Variants in NGEF observed in about 807,000 individuals in gnomAD.
The protein encoded by NGEF is ephexin-1.
Under a neutral mutation model 80.9 loss-of-function variants are expected in NGEF, and 31 were observed. The observed-to-expected ratio is 0.38, with a 90% confidence interval of 0.29 to 0.52. The LOEUF is 0.52. NGEF is among the 20% of genes least tolerant of loss of function. The probability of loss-of-function intolerance (pLI) is 0.84; values close to 1 mark genes in which losing one functional copy is unlikely to be tolerated. For missense variants in NGEF, 709 were observed against 926.2 expected, an observed-to-expected ratio of 0.77 and a Z score of 3.04; for synonymous variants, 371 against 370.2, an observed-to-expected ratio of 1.00 and a Z score of -0.03.
chr2:232,972,115 T>C (rs900612822), intron 2 of NGEF, among the ~76,000 whole-genome samples: 2 of 152,218 alleles, frequency 1.3e-5, no homozygotes, highest in African/African-American at 4.8e-5. Context: ...TTGGGAAACT[T>C]TTAAGGGTAT....
intron 1 of NGEF, among the ~76,000 whole-genome samples, chr2:232,984,863 C>T (rs915634573): frequency 6.6e-6 from 1 of 152,058 alleles, no homozygotes; most frequent in African/African-American, 2.4e-5. Context: ...GGGCTCGGAG[C>T]GTAAGATTGA....
At chr2:232,886,730 G>A (rs1247082490) in intron 9 of NGEF, among the ~76,000 whole-genome samples, 5 of 152,212 alleles carry the variant, frequency 3.3e-5, no homozygotes, top group Non-Finnish European at 7.3e-5. Context: ...GCCCAGGGCT[G>A]ACCTCAGGGA....
chr2:232,940,272 A>G (rs1300408784), intron 3 of NGEF, among the ~76,000 whole-genome samples: 3 of 152,270 alleles, frequency 2.0e-5, no homozygotes, highest in African/African-American at 7.2e-5. Context: ...CCATAAAGAA[A>G]AACACTATTT....
intron 1 of NGEF, among the ~76,000 whole-genome samples, chr2:232,980,936 G>A (rs1478011559): frequency 6.6e-6 from 1 of 152,028 alleles, no homozygotes; most frequent in Non-Finnish European, 1.5e-5. Context: ...GCCAGGTCTA[G>A]GGCACATGGA....
intron 5 of NGEF, among the ~76,000 whole-genome samples, chr2:232,913,129 A>G (rs1407866698): frequency 1.3e-5 from 2 of 152,256 alleles, no homozygotes; most frequent in Non-Finnish European, 2.9e-5. Flanking sequence ...TTAAATAAAC[A>G]TAATGCTATA....
intron 5 of NGEF, among the ~76,000 whole-genome samples, chr2:232,900,930 G>T (rs1483442073): frequency 6.6e-6 from 1 of 152,240 alleles, no homozygotes; most frequent in Non-Finnish European, 1.5e-5. Context: ...CTGCTCTGGG[G>T]TGGTGACGTC....
intron 3 of NGEF, among the ~76,000 whole-genome samples, chr2:232,966,813 A>C (rs981632212): frequency 6.6e-6 from 1 of 151,860 alleles, no homozygotes; most frequent in Non-Finnish European, 1.5e-5. Flanking sequence ...CCGGGTTGTC[A>C]GTTACTTTTA....
At chr2:232,925,401 G>C (rs1177089975) in intron 4 of NGEF, among the ~76,000 whole-genome samples, 1 of 152,196 alleles carries the variant, frequency 6.6e-6, no homozygotes, top group Non-Finnish European at 1.5e-5. Context: ...CAGGAGCCAG[G>C]AAAAGACATT....
intron 1 of NGEF, among the ~76,000 whole-genome samples, chr2:232,998,562 G>A (rs918285061): frequency 6.6e-6 from 1 of 152,148 alleles, no homozygotes; most frequent in African/African-American, 2.4e-5. Flanking sequence ...CATGCCATAG[G>A]GGGGCTACAG....
intron 1 of NGEF, among the ~76,000 whole-genome samples, chr2:232,984,576 C>T (rs894555002): frequency 1.2e-4 from 18 of 152,206 alleles, no homozygotes; most frequent in South Asian, 2.1e-4. Context: ...CTAGACATTC[C>T]GGCCAGCAAA....
At chr2:232,931,932 C>G (rs1198869336) in intron 3 of NGEF, among the ~76,000 whole-genome samples, 3 of 152,182 alleles carry the variant, frequency 2.0e-5, no homozygotes, top group Non-Finnish European at 1.5e-5. Context: ...TTCCACAAAG[C>G]ACAATTCAGC....
chr2:232,981,968 A>AG (rs1313251966), intron 1 of NGEF, among the ~76,000 whole-genome samples: 5 of 152,100 alleles, frequency 3.3e-5, no homozygotes, highest in Non-Finnish European at 7.4e-5. Flanking sequence ...GGGCCACCAG[A>AG]GGGAAAAAAG....
chr2:232,975,588 T>C (rs1280164537), intron 1 of NGEF, among the ~76,000 whole-genome samples: 1 of 152,096 alleles, frequency 6.6e-6, no homozygotes, highest in African/African-American at 2.4e-5. Flanking sequence ...GGTGACCATA[T>C]AGCATATCAT....
At chr2:232,937,381 C>T (rs1399859653) in intron 3 of NGEF, among the ~76,000 whole-genome samples, 1 of 152,220 alleles carries the variant, frequency 6.6e-6, no homozygotes. Flanking sequence ...TAATTTTCCT[C>T]ACACATGTCT....
Position 232,879,691 on chromosome 2 carries a change from G to A in NGEF, c.1943-12C>T, listed in dbSNP as rs1011977208. ...GCCAAAGATCCACCCTGTGCAGGGAGGGGAGGGAGAGAAGGTCAGTGCTCC... is the reference window on the plus strand; with the variant it reads ...GCCAAAGATCCACCCTGTGCAGGGAAGGGAGGGAGAGAAGGTCAGTGCTCC... On this transcript the variant is annotated splice_polypyrimidine_tract_variant and intron_variant, in intron 14 of 14. Transcript: ENST00000264051. 6.9e-6 allele frequency: 11 copies of A among 1,603,300 alleles called. No homozygotes were observed. The highest frequency in any genetic ancestry group is 3.3e-5 in the Admixed American group (2 of 59,856).
intron 5 of NGEF, among the ~76,000 whole-genome samples, chr2:232,908,518 A>AT (rs900408506): frequency 7.9e-4 from 119 of 151,452 alleles, no homozygotes; most frequent in Non-Finnish European, 1.1e-3. Flanking sequence ...AGTGAGTTTG[A>AT]TTTTTTTTCT....
chr2:232,945,699 G>A (rs1693543116), intron 3 of NGEF, among the ~76,000 whole-genome samples: 1 of 152,090 alleles, frequency 6.6e-6, no homozygotes, highest in Non-Finnish European at 1.5e-5. Context: ...ACTGCAAGAG[G>A]GCAAATTTTT....
Position 232,882,273 on chromosome 2 carries a change from AG to A in NGEF, c.1758-9del. On this transcript the variant is annotated splice_polypyrimidine_tract_variant and intron_variant, in intron 12 of 14. Transcript: ENST00000264051. ...CAACGCTTCATCTCACTCCTGGCAC[AG>A]GGAAGAGGACAGTGCCCCAACTGCA... 6.2e-7 allele frequency: 1 copy of A among 1,612,418 alleles called. No individual in the cohort carries two copies. The highest frequency in any genetic ancestry group is 8.5e-7 in the Non-Finnish European group (1 of 1,179,174).
At chr2:232,969,747 CAA>C (rs1431836882) in intron 3 of NGEF, among the ~76,000 whole-genome samples, 3 of 152,012 alleles carry the variant, frequency 2.0e-5, no homozygotes, top group African/African-American at 7.2e-5. Flanking sequence ...CTCCTGCCCT[CAA>C]GTGATCTGCC....
Sources: gnomAD v4.1 joint callset for allele counts (sites outside exome capture counted in the v4.1 genomes callset) on GRCh38, gnomAD v4.1.1 for gene constraint, MANE v1.5 for transcripts, NCBI Gene and HGNC (gene_info 2026-07-23, HGNC 2026-07-21) for gene names.